Variants in GRID2 observed in about 807,000 individuals in gnomAD.
The protein encoded by GRID2 is glutamate receptor ionotropic, delta-2.
GRID2 carries 33 observed loss-of-function variants against 114.8 expected under a neutral mutation model. The ratio of observed to expected loss-of-function variants is 0.29; its 90% CI spans 0.22 to 0.38. GRID2 has a LOEUF of 0.38. GRID2 is among the 10% of genes least tolerant of loss of function. The probability of loss-of-function intolerance (pLI) is 1.00; values close to 1 mark genes in which losing one functional copy is unlikely to be tolerated. For missense variants in GRID2, 1,184 were observed against 1,257.7 expected (o/e 0.94, Z 0.89); for synonymous variants, 505 against 449.9 (o/e 1.12, Z -1.55).
At chr4:92,478,469 A>G (rs1423963138) in intron 1 of GRID2, among the ~76,000 whole-genome samples, 1 of 152,132 alleles carries the variant, frequency 6.6e-6, no homozygotes, top group Non-Finnish European at 1.5e-5. Context: ...TCTTTAAAAC[A>G]TCATCATAAA....
intron 2 of GRID2, among the ~76,000 whole-genome samples, chr4:92,995,560 G>T (rs1295898831): frequency 2.0e-5 from 3 of 152,116 alleles, no homozygotes; most frequent in Admixed American, 2.0e-4. Context: ...AAGTAATAAG[G>T]TAGGGCCTTG....
chr4:93,704,482 C>T (rs1727815933), intron 14 of GRID2, among the ~76,000 whole-genome samples: 1 of 152,096 alleles, frequency 6.6e-6, no homozygotes, highest in Non-Finnish European at 1.5e-5. Context: ...TTTTGCTGTG[C>T]AGAAGCTCTT....
intron 2 of GRID2, among the ~76,000 whole-genome samples, chr4:92,965,830 T>C (rs1753123287): frequency 6.6e-6 from 1 of 151,976 alleles, no homozygotes; most frequent in Non-Finnish European, 1.5e-5. Flanking sequence ...GTATATTTTC[T>C]CTTATTCTGA....
At chr4:92,848,289 T>G (rs1280856676) in intron 2 of GRID2, among the ~76,000 whole-genome samples, 2 of 151,640 alleles carry the variant, frequency 1.3e-5, no homozygotes, top group African/African-American at 4.8e-5. Context: ...TAGGCTTGAC[T>G]TAATGTAGAG....
chr4:93,114,660 A>G (rs1259893841), intron 4 of GRID2, among the ~76,000 whole-genome samples: 4 of 152,096 alleles, frequency 2.6e-5, no homozygotes, highest in African/African-American at 7.2e-5. Flanking sequence ...CTGTTTCTCA[A>G]TTAGTTGTTC....
In GRID2 at chr4:92,411,647, G is replaced by GTATATATATA. The variant is rs1240876484; in HGVS notation, c.88+106904_88+106905insATATATATAT. 8.0e-5 allele frequency among the ~76,000 whole-genome samples: 7 copies of GTATATATATA among 87,280 alleles called. No individual in the cohort carries two copies. The South Asian group carries it at 1.5e-3, about 19-fold the overall frequency. The allele number at this position is 87,280 out of a possible 152,430, so 57.3% of individuals were successfully genotyped here. A position where few individuals can be genotyped will look rare whatever the true frequency, so the allele number is the denominator to read the frequency against. On this transcript the variant is annotated intron_variant, in intron 1 of 15. Transcript: ENST00000282020. ...TGCATGTGTGTGTGTGTGTGTGTGT[G>GTATATATATA]TGTGTGTGTATATATATATATATAT... is the stretch of plus-strand genomic sequence containing the variant.
At chr4:92,825,862 C>T (rs1171387175) in intron 2 of GRID2, among the ~76,000 whole-genome samples, 1 of 152,082 alleles carries the variant, frequency 6.6e-6, no homozygotes, top group Non-Finnish European at 1.5e-5. Flanking sequence ...CTACTTAATT[C>T]ATTTTCTGGA....
intron 1 of GRID2, among the ~76,000 whole-genome samples, chr4:92,453,072 A>G (rs968250648): frequency 6.6e-6 from 1 of 151,760 alleles, no homozygotes; most frequent in African/African-American, 2.4e-5. Flanking sequence ...GGGTGTATAC[A>G]TGCATTAAAT....
At chr4:93,058,977 G>C (rs771976942) in intron 2 of GRID2, among the ~76,000 whole-genome samples, 7 of 152,066 alleles carry the variant, frequency 4.6e-5, no homozygotes, top group Non-Finnish European at 8.8e-5. Flanking sequence ...TTCTGACGCT[G>C]TATAACCATT....
At chr4:93,144,758 T>G (rs72665290) in intron 4 of GRID2, among the ~76,000 whole-genome samples, 128 of 152,028 alleles carry the variant, frequency 8.4e-4, no homozygotes, top group Non-Finnish European at 1.3e-3. Flanking sequence ...ACAACAATAT[T>G]TCTTCATCAA....
At position 92,359,485 on chromosome 4, in the gene GRID2, T is replaced by C. The variant is rs148561422; in HGVS notation, c.88+54741T>C. Among the ~76,000 whole-genome samples, 6 of 152,122 alleles carry C rather than the reference T, an allele frequency of 3.9e-5. No homozygotes were observed. In the East Asian group the frequency reaches 9.7e-4, roughly 25 times the overall value. ...ATTTATAGGGCTGAGTTTAAGGATG[T>C]AATTCACAGGAAAAGCCCAGCACAA... On this transcript the variant is annotated intron_variant, in intron 1 of 15. Transcript: ENST00000282020.
chr4:93,302,733 A>T, intron 8 of GRID2: 1 of 363,312 alleles, frequency 2.8e-6, no homozygotes, highest in Admixed American at 3.5e-5. Context: ...TTTTATGCTC[A>T]TTTCCTAATA....
intron 2 of GRID2, among the ~76,000 whole-genome samples, chr4:92,664,471 A>G (rs776676536): frequency 2.0e-5 from 3 of 151,064 alleles, no homozygotes; most frequent in Non-Finnish European, 3.0e-5. Flanking sequence ...AAAAATATAT[A>G]TATATTGGGA....
chr4:92,596,003 T>A (rs1728934268), intron 2 of GRID2, among the ~76,000 whole-genome samples: 1 of 152,130 alleles, frequency 6.6e-6, no homozygotes, highest in African/African-American at 2.4e-5. Flanking sequence ...TTACTGTGAT[T>A]AAAAAATCTG....
chr4:92,982,022 T>TAAAAAAAAAAAAAAAAAAAAAAAAAAA (rs1161216679), intron 2 of GRID2, among the ~76,000 whole-genome samples: 1 of 80,202 alleles, frequency 1.2e-5, no homozygotes, highest in African/African-American at 4.6e-5. Flanking sequence ...AAAGTACTGG[T>TAAAAAAAAAAAAAAAAAAAAAAAAAAA]AAAAAAAAAA....
intron 1 of GRID2, among the ~76,000 whole-genome samples, chr4:92,350,310 A>G (rs1181634016): frequency 1.3e-5 from 2 of 151,826 alleles, no homozygotes; most frequent in East Asian, 3.9e-4. Context: ...ATTCTTTAAT[A>G]TCCACTACTC....
intron 2 of GRID2, among the ~76,000 whole-genome samples, chr4:92,846,109 A>G (rs990610164): frequency 1.6e-4 from 24 of 151,990 alleles, no homozygotes; most frequent in Non-Finnish European, 2.6e-4. Flanking sequence ...TCCTTCTCCA[A>G]GTTGGCCTTT....
At chr4:93,360,600 A>G (rs1436474389) in intron 8 of GRID2, among the ~76,000 whole-genome samples, 1 of 151,936 alleles carries the variant, frequency 6.6e-6, no homozygotes, top group South Asian at 2.1e-4. Context: ...TTGTGGTCAG[A>G]TAATGTGAAC....
intron 1 of GRID2, among the ~76,000 whole-genome samples, chr4:92,525,656 T>A (rs1254024580): frequency 1.3e-5 from 2 of 152,032 alleles, no homozygotes. Context: ...GTAAGAGGAA[T>A]GAGAATAAAG....
Sources: allele counts gnomAD v4.1 joint callset (sites outside exome capture counted in the v4.1 genomes callset), GRCh38; gene constraint gnomAD v4.1.1; transcripts MANE v1.5; gene names NCBI Gene and HGNC (gene_info 2026-07-23, HGNC 2026-07-21).